Variants in PFAS observed in about 807,000 individuals in gnomAD.
PFAS encodes the protein FGAM synthase.
In PFAS, 97 loss-of-function variants were observed where a neutral mutation model predicts 140.6. The observed-to-expected ratio is 0.69, with a 90% CI of 0.59 to 0.82. The LOEUF is 0.82. PFAS is among the 40% of genes least tolerant of loss of function. PFAS has a pLI of 0.00. For missense variants in PFAS, 1,656 were observed against 1,780.2 expected (o/e 0.93, Z 1.26); for synonymous variants, 679 against 718.8 (o/e 0.94, Z 0.88).
intron 10 of PFAS, 58 bp from the exon 11 acceptor site, chr17:8,258,012 GC>G: frequency 1.2e-6 from 2 of 1,612,832 alleles, no homozygotes; most frequent in Non-Finnish European, 1.7e-6. Context: ...CAGGGGCTGT[GC>G]TATTGGGCGA....
Position 8,265,447 on chromosome 17 carries a change from A to C in PFAS, c.2440A>C (p.Thr814Pro), listed in dbSNP as rs764217235. 2.5e-6 allele frequency: 4 copies of C among 1,614,092 alleles called. No individual in the cohort carries two copies. Among genetic ancestry groups the C allele is most frequent in the Admixed American group, 1.7e-5 (1 of 60,010 alleles). ...CCTCAGCATGGCTGCTCGGGTTGGCACTGAGACCGTGCGGGCTCCTGGTGA... is the reference window on the plus strand; with the variant it reads ...CCTCAGCATGGCTGCTCGGGTTGGCCCTGAGACCGTGCGGGCTCCTGGTGA... ...DSLSMAARVG[T>P]ETVRAPGSLV... The change falls in exon 19 of 28, where the codon ACT (threonine) becomes CCT (proline). Residue 814 changes from threonine (T) to proline (P), a missense_variant. Physicochemically the swap from Thr to Pro is conservative, Grantham distance 38 (BLOSUM62 -1). Around this residue, in one of 2 missense-constraint regions of PFAS, gnomAD observed 883 missense variants for 1,023.0 expected, o/e 0.86. Transcript: ENST00000314666.
In PFAS at chr17:8,255,830, A is replaced by T. The variant is rs1418880702; in HGVS notation, c.600A>T (p.Leu200=). 2 of 1,614,076 alleles carry T rather than the reference A, an allele frequency of 1.2e-6. No homozygotes were observed. The highest frequency in any genetic ancestry group is 3.3e-5 in the Admixed American group (2 of 60,020). The change falls in exon 6 of 28, where the codon CTA becomes CTT. Residue 200 remains leucine (L), a synonymous_variant. Transcript: ENST00000314666. ...GTCTGGCTTTAGACTCTTGGGACCT[A>T]GACTTCTACACCAAGCGCTTCCAGG... ...ELGLALDSWD[L]DFYTKRFQEL... is the part of the protein sequence containing the mutation.
At position 8,264,341 on chromosome 17, in the gene PFAS, T is replaced by C. The variant is rs547532203; in HGVS notation, c.1917+4T>C. ...GCTGGGCAAGATGCCTCGGAAGGTA[T>C]GTGGGGTTGAGGGGATGGGTTTTTC... On this transcript the variant is annotated splice_donor_region_variant and intron_variant, in intron 16 of 27. Transcript: ENST00000314666. 1.2e-6 allele frequency: 2 copies of C among 1,613,792 alleles called. No individual in the cohort carries two copies. Among genetic ancestry groups the C allele is most frequent in the Non-Finnish European group, 1.7e-6 (2 of 1,179,858 alleles).
At chr17:8,249,176 C>T (rs1283630409), upstream of PFAS, 1 of 152,186 alleles carries the variant, frequency 6.6e-6, no homozygotes, top group Non-Finnish European at 1.5e-5. Flanking sequence ...ATAAACCTCT[C>T]CCCACCAAGA....
At chr17:8,265,248 T>A in intron 18 of PFAS, 40 bp from the exon 19 acceptor site, 1 of 1,598,106 alleles carries the variant, frequency 6.3e-7, no homozygotes, top group Non-Finnish European at 8.5e-7. Flanking sequence ...CCTCTCCACA[T>A]TTCTCTTCCC....
At chr17:8,252,362 C>T (rs552056739) in intron 1 of PFAS, among the ~76,000 whole-genome samples, 1 of 152,174 alleles carries the variant, frequency 6.6e-6, no homozygotes, top group East Asian at 1.9e-4. Context: ...GCAATAAATT[C>T]TTAAACAAAA....
intron 5 of PFAS, 49 bp downstream of exon 5, chr17:8,255,740 G>A (rs774030045): frequency 9.3e-6 from 15 of 1,604,502 alleles, no homozygotes; most frequent in Non-Finnish European, 1.2e-5. Flanking sequence ...GCCAGTAGGG[G>A]TGCTGAGATC....
Position 8,258,155 on chromosome 17 carries a change from G to T in PFAS, c.1292G>T (p.Gly431Val), listed in dbSNP as rs1476627659. The change falls in exon 11 of 28, where the codon GGG becomes GTG. Residue 431 changes from glycine (G) to valine (V), a missense_variant. Physicochemically the swap from Gly to Val is moderately radical, Grantham distance 109 (BLOSUM62 -3). This residue lies in a region of PFAS where 773 missense variants were observed against 757.3 expected (regional missense o/e 1.02). Transcript: ENST00000314666. ...IKPIMFSGGI[G>V]SMEADHISKE... ...CCCATCATGTTTAGTGGGGGCATTG[G>T]GTCCATGGAAGCTGACCACATAAGC... 1.2e-6 allele frequency: 2 copies of T among 1,614,114 alleles called. No individual in the cohort carries two copies. Among genetic ancestry groups the T allele is most frequent in the South Asian group, 2.2e-5 (2 of 91,086 alleles).
chr17:8,250,353 G>A (rs1989104930), intron 1 of PFAS, among the ~76,000 whole-genome samples: 1 of 152,212 alleles, frequency 6.6e-6, no homozygotes, highest in Admixed American at 6.5e-5. Flanking sequence ...TTAATGCATT[G>A]GTCCAGGTGA....
chr17:8,265,027 C>T lies in PFAS; in HGVS notation c.2182C>T (p.Gln728Ter). 6.2e-7 allele frequency: 1 copy of T among 1,613,732 alleles called. No individual in the cohort carries two copies. ...AGGGGCTGCCACAGCCTTGGGAGAA[C>T]AGCCAGTCAAGAGCCTGCTGGACCC... Reference protein sequence around the residue: ...LIGAATALGEQPVKSLLDPKV... With the variant: ...LIGAATALGE The change falls in exon 18 of 28, where the codon CAG (glutamine) becomes TAG (stop). Residue 728 changes from glutamine to a stop codon, truncating the protein, a stop_gained. Coordinates refer to ENST00000314666, the MANE Select transcript of PFAS (RefSeq NM_012393.3). LOFTEE classifies it high-confidence loss of function.
intron 1 of PFAS, among the ~76,000 whole-genome samples, chr17:8,250,913 C>T (rs369148577): frequency 6.6e-5 from 10 of 151,422 alleles, no homozygotes; most frequent in Middle Eastern, 3.6e-3. Context: ...GGTCATGAAA[C>T]AGGGAGATGA....
At chr17:8,264,671 T>C in intron 17 of PFAS, 70 bp downstream of exon 17, 2 of 1,469,554 alleles carry the variant, frequency 1.4e-6, no homozygotes, top group Non-Finnish European at 1.8e-6. Context: ...CTCCCACCCT[T>C]AGAAAGTGCT....
At chr17:8,256,761 T>A in intron 8 of PFAS, 74 bp from the exon 9 acceptor site, 5 of 1,553,254 alleles carry the variant, frequency 3.2e-6, no homozygotes, top group Non-Finnish European at 4.3e-6. Context: ...GTTGTCCTTA[T>A]TTTCAGTGGG....
chr17:8,264,316 G>C lies in PFAS; in HGVS notation c.1896G>C (p.Val632=). 1 of 1,614,056 alleles carries C rather than the reference G, an allele frequency of 6.2e-7. No homozygotes were observed. The highest frequency in any genetic ancestry group is 1.6e-4 in the Middle Eastern group (1 of 6,062). Residue 632 remains valine, a synonymous_variant, in exon 16 of 28, where the codon GTG becomes GTC. Coordinates refer to ENST00000314666, the MANE Select transcript of PFAS (RefSeq NM_012393.3). ...PTPVDLELEW[V]LGKMPRKEFF... Reference sequence around the variant, plus strand: ...CTGTGGACCTGGAGCTCGAATGGGTGCTGGGCAAGATGCCTCGGAAGGTAT... The same window carrying C: ...CTGTGGACCTGGAGCTCGAATGGGTCCTGGGCAAGATGCCTCGGAAGGTAT...
At chr17:8,258,576 C>T (rs1049346220) in intron 11 of PFAS, among the ~76,000 whole-genome samples, 6 of 152,074 alleles carry the variant, frequency 3.9e-5, no homozygotes, top group Non-Finnish European at 5.9e-5. Flanking sequence ...CAGGGTGGCT[C>T]GCACCTGTAA....
In PFAS at chr17:8,267,001, C is replaced by T. The variant is rs1377552148; in HGVS notation, c.2968-27C>T. ...GGAGGGGGCCATCCTTTCTCCTAGCCCGTGGGAGATTTGTTCCTCTTCCTA... is the reference window on the plus strand; with the variant it reads ...GGAGGGGGCCATCCTTTCTCCTAGCTCGTGGGAGATTTGTTCCTCTTCCTA... On this transcript the variant is annotated intron_variant, in intron 23 of 27. Coordinates refer to ENST00000314666, the MANE Select transcript of PFAS (RefSeq NM_012393.3). The surrounding 1 kb of genome is among the most constrained non-coding windows in gnomAD (Gnocchi z 4.9). The T allele has an allele frequency of 1.9e-6, 3 of 1,612,148 alleles. No individual in the cohort carries two copies. Among genetic ancestry groups the T allele is most frequent in the Non-Finnish European group, 2.5e-6 (3 of 1,179,450 alleles).
intron 11 of PFAS, among the ~76,000 whole-genome samples, chr17:8,259,744 T>C (rs1199324359): frequency 1.3e-5 from 2 of 152,016 alleles, no homozygotes; most frequent in Admixed American, 1.3e-4. Flanking sequence ...GCTATGATCA[T>C]ACCACTGCAC....
At chr17:8,248,480 C>G (rs1020441430), upstream of PFAS, among the ~76,000 whole-genome samples, 2 of 139,092 alleles carry the variant, frequency 1.4e-5, no homozygotes, top group Admixed American at 7.5e-5. Context: ...AGGCTGGTCT[C>G]AAACTCCTGA....
At position 8,263,092 on chromosome 17, in the gene PFAS, G is replaced by A; in HGVS notation, c.1411-17G>A. On this transcript the variant is annotated splice_polypyrimidine_tract_variant and intron_variant, in intron 12 of 27. Transcript: ENST00000314666. The stretch of plus-strand genomic sequence containing the variant: ...TTCCAGTCTCGCTGAGCTGAGCTAT[G>A]CCATATATGCCCCCAGGTGCAGGGA... 6.2e-7 allele frequency: 1 copy of A among 1,613,776 alleles called. No homozygotes were observed. Among genetic ancestry groups the A allele is most frequent in the Non-Finnish European group, 8.5e-7 (1 of 1,179,654 alleles).
Sources: gnomAD v4.1 joint callset for allele counts (sites outside exome capture counted in the v4.1 genomes callset) on GRCh38, gnomAD v4.1.1 for gene constraint, gnomAD v4.1.1 regional missense constraint, Gnocchi (gnomAD v3.1) non-coding constraint, MANE v1.5 for transcripts, NCBI Gene and HGNC (gene_info 2026-07-23, HGNC 2026-07-21) for gene names.